Variants in RALGAPB observed in about 807,000 individuals in gnomAD.
RALGAPB encodes the protein ral GTPase-activating protein subunit beta.
RALGAPB carries 25 observed loss-of-function variants against 161.1 expected under a neutral mutation model. The ratio of observed to expected loss-of-function variants is 0.16; its 90% CI spans 0.11 to 0.22. The LOEUF is 0.22. Among genes scored for constraint, RALGAPB ranks in the 10% least tolerant of loss-of-function variants. RALGAPB has a pLI of 1.00. For missense variants in RALGAPB, 1,391 were observed against 1,815.2 expected (o/e 0.77, Z 4.25); for synonymous variants, 629 against 626.1 (o/e 1.00, Z -0.07).
At chr20:38,499,046 T>C (rs1016290044) in intron 4 of RALGAPB, among the ~76,000 whole-genome samples, 2 of 152,236 alleles carry the variant, frequency 1.3e-5, no homozygotes, top group African/African-American at 2.4e-5. Context: ...GTATTACAGA[T>C]ACCTACCCTG....
intron 26 of RALGAPB, chr20:38,568,536 A>G (rs756591985): frequency 2.0e-5 from 3 of 152,238 alleles, no homozygotes; most frequent in Non-Finnish European, 4.4e-5. Flanking sequence ...GGGCCTACAC[A>G]GAGAAATAAG....
At chr20:38,531,708 A>G (rs1038062815) in intron 14 of RALGAPB, among the ~76,000 whole-genome samples, 2 of 152,216 alleles carry the variant, frequency 1.3e-5, no homozygotes, top group African/African-American at 4.8e-5. Context: ...TCTTCAAGAT[A>G]TATCATCCCT....
At chr20:38,523,343 G>A (rs1211837439) in intron 10 of RALGAPB, among the ~76,000 whole-genome samples, 1 of 152,142 alleles carries the variant, frequency 6.6e-6, no homozygotes, top group Non-Finnish European at 1.5e-5. Context: ...CACTTGTTGT[G>A]GGGGCATGTT....
intron 13 of RALGAPB, among the ~76,000 whole-genome samples, chr20:38,528,456 A>G (rs2086541098): frequency 1.3e-5 from 2 of 151,542 alleles, no homozygotes; most frequent in Admixed American, 6.6e-5. Context: ...ACTGCAGCCC[A>G]AGCTCCTGGA....
At chr20:38,554,535 T>G (rs375832324) in intron 22 of RALGAPB, among the ~76,000 whole-genome samples, 1 of 152,242 alleles carries the variant, frequency 6.6e-6, no homozygotes, top group African/African-American at 2.4e-5. Context: ...TTGTCCAGTT[T>G]GTAAGATCAA....
At chr20:38,550,210 G>A (rs1692892390) in intron 20 of RALGAPB, among the ~76,000 whole-genome samples, 2 of 152,010 alleles carry the variant, frequency 1.3e-5, no homozygotes, top group Admixed American at 6.6e-5. Context: ...CGAGTTAGTG[G>A]GTGCAGCGCA....
At chr20:38,515,612 A>G (rs1021741754) in intron 6 of RALGAPB, among the ~76,000 whole-genome samples, 1 of 152,186 alleles carries the variant, frequency 6.6e-6, no homozygotes, top group African/African-American at 2.4e-5. Flanking sequence ...ACTAATCCTG[A>G]TTTTCAAATA....
chr20:38,497,181 T>C (rs1600857440), intron 3 of RALGAPB, among the ~76,000 whole-genome samples, 172 bp from the exon 4 acceptor site: 2 of 152,210 alleles, frequency 1.3e-5, no homozygotes, highest in South Asian at 2.1e-4. Flanking sequence ...TGCTTAACTT[T>C]ACGACGAGTA....
At position 38,567,104 on chromosome 20, in the gene RALGAPB, T is replaced by C. The variant is rs112289871; in HGVS notation, c.3826T>C (p.Leu1276=). Residue 1276 remains leucine (L), a synonymous_variant, in exon 26 of 30, where the codon TTG becomes CTG. Transcript: ENST00000262879. ...TTTCCTTTACCCCATAGCTGATTCATTGGAAAGTAACATCTCGGACCAAGA... is the reference window on the plus strand; with the variant it reads ...TTTCCTTTACCCCATAGCTGATTCACTGGAAAGTAACATCTCGGACCAAGA... The part of the protein sequence containing the change: ...PSPVESLTDS[L]ESNISDQDSD... 15 of 1,613,074 alleles carry C rather than the reference T, an allele frequency of 9.3e-6. No homozygotes were observed. The African/African-American group carries it at 1.5e-4, about 16-fold the overall frequency.
chr20:38,505,286 G>A (rs1043918815), intron 5 of RALGAPB, among the ~76,000 whole-genome samples: 1 of 152,224 alleles, frequency 6.6e-6, no homozygotes. Flanking sequence ...CAACATGGAT[G>A]CAGCTTGAAG....
At chr20:38,544,499 G>A (rs2087089112) in intron 18 of RALGAPB, among the ~76,000 whole-genome samples, 1 of 151,884 alleles carries the variant, frequency 6.6e-6, no homozygotes, top group Non-Finnish European at 1.5e-5. Context: ...ACGGAGTCTC[G>A]CCCTGTCACC....
chr20:38,523,057 G>A (rs1006999903), intron 10 of RALGAPB, among the ~76,000 whole-genome samples: 13 of 152,120 alleles, frequency 8.5e-5, no homozygotes, highest in Admixed American at 8.5e-4. Context: ...GGGAAGCTGA[G>A]GCAGAAGAAT....
chr20:38,538,136 T>C, intron 16 of RALGAPB: 1 of 161,936 alleles, frequency 6.2e-6, no homozygotes, highest in South Asian at 1.8e-4. Flanking sequence ...TTATGGAGAG[T>C]GGGGCAAGAG....
chr20:38,527,523 A>G (rs2086509097), intron 13 of RALGAPB, among the ~76,000 whole-genome samples: 1 of 152,164 alleles, frequency 6.6e-6, no homozygotes. Context: ...TTACATTCTC[A>G]GTTATGATGT....
chr20:38,575,166 A>C lies in RALGAPB; in HGVS notation c.*199A>C. On this transcript the variant is annotated 3_prime_UTR_variant, in exon 30 of 30. Transcript: ENST00000262879. Reference sequence around the variant, plus strand: ...CTAGTGAAATGGGCTCCCAGACACAATCACACTCCTGCTGATAATGATGAT... The same window carrying C: ...CTAGTGAAATGGGCTCCCAGACACACTCACACTCCTGCTGATAATGATGAT... 1.8e-6 allele frequency: 1 copy of C among 562,708 alleles called. No individual in the cohort carries two copies. The highest frequency in any genetic ancestry group is 3.1e-6 in the Non-Finnish European group (1 of 319,082). 34.9% of individuals were successfully genotyped at this position (562,708 alleles called of 1,614,324 possible).
At chr20:38,567,262 A>G in intron 26 of RALGAPB, 30 bp downstream of exon 26, 7 of 1,601,348 alleles carry the variant, frequency 4.4e-6, no homozygotes, top group Non-Finnish European at 6.0e-6. Context: ...GGTCTCCAAA[A>G]TTTTGTAGTG....
chr20:38,488,076 T>A (rs982675690), intron 1 of RALGAPB, among the ~76,000 whole-genome samples: 2 of 151,588 alleles, frequency 1.3e-5, no homozygotes, highest in African/African-American at 4.9e-5. Context: ...AGAAAAAAAA[T>A]GTATTTTCCA....
intron 24 of RALGAPB, among the ~76,000 whole-genome samples, chr20:38,563,353 T>G (rs964746216): frequency 6.6e-6 from 1 of 152,226 alleles, no homozygotes; most frequent in Non-Finnish European, 1.5e-5. Context: ...ATAAGTAGTT[T>G]TCTATTAACC....
chr20:38,565,216 A>T, intron 24 of RALGAPB, 143 bp from the exon 25 acceptor site: 4 of 868,950 alleles, frequency 4.6e-6, no homozygotes, highest in Non-Finnish European at 6.7e-6. Context: ...ATTATATTTT[A>T]TTCTTTCATA....
Sources: allele counts gnomAD v4.1 joint callset (sites outside exome capture counted in the v4.1 genomes callset), GRCh38; gene constraint gnomAD v4.1.1; transcripts MANE v1.5; gene names NCBI Gene and HGNC (gene_info 2026-07-23, HGNC 2026-07-21).